ZNG1B: variants seen among roughly 807,000 people sequenced by gnomAD.
ZNG1B encodes Zn regulated GTPase metalloprotein activator 1B.
chr2:113,489,066 A>C, the ZNG1B span, among the ~76,000 whole-genome samples: 1 of 151,812 alleles, frequency 6.6e-6, no homozygotes, highest in African/African-American at 2.4e-5. Context: ...CATTGTCGTC[A>C]GGTTATCTAA....
At chr2:113,460,601 T>C in the ZNG1B span, 1 of 1,443,218 alleles carries the variant, frequency 6.9e-7, no homozygotes, top group Non-Finnish European at 9.5e-7. Context: ...GTCTCTAAAG[T>C]AAAATCCTTT....
the ZNG1B span, among the ~76,000 whole-genome samples, chr2:113,464,613 T>C: frequency 6.6e-6 from 1 of 151,290 alleles, no homozygotes; most frequent in South Asian, 2.1e-4. Flanking sequence ...CTGACGAGGT[T>C]ATTCTATAAA....
chr2:113,467,968 A>G, the ZNG1B span, among the ~76,000 whole-genome samples: 9 of 150,526 alleles, frequency 6.0e-5, no homozygotes, highest in Admixed American at 4.6e-4. Context: ...GTAGGGAGCA[A>G]GGAGTTAGTG....
the ZNG1B span, among the ~76,000 whole-genome samples, chr2:113,464,888 C>T: frequency 3.4e-4 from 51 of 152,070 alleles, no homozygotes; most frequent in Non-Finnish European, 1.3e-4. Flanking sequence ...GACAGTTGTG[C>T]GAATTTTTGC....
At chr2:113,474,338 C>T in the ZNG1B span, among the ~76,000 whole-genome samples, 416 of 149,066 alleles carry the variant, frequency 2.8e-3, 3 homozygotes, top group African/African-American at 9.7e-3. Flanking sequence ...GTGATATCCC[C>T]TTTATCATTT....
chr2:113,440,117 C>G, the ZNG1B span, among the ~76,000 whole-genome samples: 43 of 151,566 alleles, frequency 2.8e-4, no homozygotes, highest in Admixed American at 5.9e-4. Flanking sequence ...ATCTCCTGAC[C>G]TCGTGATCCG....
At chr2:113,486,551 T>A in the ZNG1B span, among the ~76,000 whole-genome samples, 21,754 of 150,548 alleles carry the variant, frequency 0.14, 736 homozygotes, top group Non-Finnish European at 0.21. Context: ...ACCCAGGAGT[T>A]GTAGACCAGC....
At chr2:113,455,576 G>T in the ZNG1B span, 7 of 1,286,498 alleles carry the variant, frequency 5.4e-6, no homozygotes, top group Non-Finnish European at 7.1e-6. Context: ...ACTAAAGGCA[G>T]AAGAGAATGA....
the ZNG1B span, among the ~76,000 whole-genome samples, chr2:113,471,298 T>C: frequency 6.6e-6 from 1 of 152,224 alleles, no homozygotes; most frequent in Non-Finnish European, 1.5e-5. Context: ...AATTATAGTG[T>C]AAATGATAGT....
chr2:113,471,175 A>G, the ZNG1B span: 1 of 1,319,774 alleles, frequency 7.6e-7, no homozygotes, highest in African/African-American at 1.5e-5. Flanking sequence ...AATTGCATCC[A>G]TGATTTAAGC....
chr2:113,474,222 G>T, the ZNG1B span, among the ~76,000 whole-genome samples: 4 of 152,102 alleles, frequency 2.6e-5, no homozygotes, highest in Non-Finnish European at 5.9e-5. Context: ...TTTGGAGGGT[G>T]TATGTGTCAA....
chr2:113,453,992 A>G, the ZNG1B span, among the ~76,000 whole-genome samples: 1 of 152,162 alleles, frequency 6.6e-6, no homozygotes, highest in African/African-American at 2.4e-5. Flanking sequence ...TTAAGCGACT[A>G]TGTTTTCTCC....
chr2:113,494,469 A>G, the ZNG1B span: 2 of 679,546 alleles, frequency 2.9e-6, 1 homozygote, highest in Admixed American at 1.5e-4. Flanking sequence ...TCTAAAGTGT[A>G]TGCTTAACCA....
chr2:113,471,159 T>C, the ZNG1B span: 2 of 1,177,734 alleles, frequency 1.7e-6, no homozygotes, highest in Non-Finnish European at 2.5e-6. Flanking sequence ...CAGGAATGAT[T>C]TGCACAATTG....
At chr2:113,463,534 A>C in the ZNG1B span, among the ~76,000 whole-genome samples, 1 of 152,192 alleles carries the variant, frequency 6.6e-6, no homozygotes, top group Non-Finnish European at 1.5e-5. Context: ...TTATTTTAAT[A>C]GTAATGTCCT....
the ZNG1B span, among the ~76,000 whole-genome samples, chr2:113,448,361 G>A: frequency 4.6e-4 from 70 of 151,992 alleles, no homozygotes; most frequent in African/African-American, 1.6e-3. Context: ...GTAAACAGAT[G>A]TGCTGTCATC....
chr2:113,441,246 G>A, the ZNG1B span: 1 of 1,415,158 alleles, frequency 7.1e-7, no homozygotes, highest in Non-Finnish European at 9.4e-7. Context: ...AATAATATAT[G>A]AAAAATAGCA....
At chr2:113,446,745 C>T in the ZNG1B span, among the ~76,000 whole-genome samples, 1 of 112,164 alleles carries the variant, frequency 8.9e-6, no homozygotes, top group Non-Finnish European at 1.8e-5. Flanking sequence ...AGACTGTATA[C>T]ACACACACAC....
the ZNG1B span, among the ~76,000 whole-genome samples, chr2:113,476,579 G>A: frequency 6.7e-6 from 1 of 148,706 alleles, no homozygotes; most frequent in Admixed American, 6.7e-5. Context: ...TTCCTTTGGA[G>A]GAGGAGAGGC....
Sources: allele counts gnomAD v4.1 joint callset (sites outside exome capture counted in the v4.1 genomes callset), GRCh38; gene constraint gnomAD v4.1.1; transcripts MANE v1.5; gene names NCBI Gene and HGNC (gene_info 2026-07-23, HGNC 2026-07-21).